The following DAB2IP variants were observed in gnomAD, a reference collection of about 807,000 sequenced individuals.
DAB2IP encodes the protein DAB2 interacting protein.
DAB2IP carries 28 observed loss-of-function variants against 107.2 expected under a neutral mutation model. The observed-to-expected ratio is 0.26, with a 90% CI of 0.19 to 0.36. DAB2IP has a LOEUF of 0.36. DAB2IP is among the 10% of genes least tolerant of loss of function. DAB2IP has a pLI of 1.00. For missense variants in DAB2IP, 1,400 were observed against 1,644.7 expected, an observed-to-expected ratio of 0.85 and a Z score of 2.57; for synonymous variants, 755 against 706.4, an observed-to-expected ratio of 1.07 and a Z score of -1.09.
intron 3 of DAB2IP, among the ~76,000 whole-genome samples, chr9:121,754,068 C>T (rs1833311909): frequency 6.6e-6 from 1 of 152,212 alleles, no homozygotes; most frequent in Non-Finnish European, 1.5e-5. Context: ...GGGACTGCTG[C>T]AAGCACAGGA....
intron 3 of DAB2IP, among the ~76,000 whole-genome samples, chr9:121,740,403 C>G (rs1211308134): frequency 6.6e-6 from 1 of 152,198 alleles, no homozygotes; most frequent in Non-Finnish European, 1.5e-5. Flanking sequence ...TTCCTTACAC[C>G]AGTCTCTCTG....
intron 1 of DAB2IP, among the ~76,000 whole-genome samples, chr9:121,604,752 C>A (rs890826982): frequency 6.6e-6 from 1 of 152,152 alleles, no homozygotes; most frequent in Non-Finnish European, 1.5e-5. Context: ...CGCTGCCTGT[C>A]CCCCGTGATG....
At chr9:121,658,465 G>A (rs746980821) in intron 1 of DAB2IP, among the ~76,000 whole-genome samples, 32 of 152,216 alleles carry the variant, frequency 2.1e-4, no homozygotes, top group Non-Finnish European at 3.8e-4. Flanking sequence ...CCCACGTATC[G>A]CGTGCCCGCT....
intron 1 of DAB2IP, among the ~76,000 whole-genome samples, chr9:121,578,112 G>A (rs1298983515): frequency 6.6e-6 from 1 of 152,078 alleles, no homozygotes; most frequent in Non-Finnish European, 1.5e-5. Context: ...GTTCTGTGGC[G>A]GGTGGGGTAG....
At chr9:121,623,498 C>G (rs1831544154) in intron 1 of DAB2IP, among the ~76,000 whole-genome samples, 1 of 151,964 alleles carries the variant, frequency 6.6e-6, no homozygotes. Context: ...TCCAGAGTAG[C>G]TGGGACTACA....
chr9:121,732,382 G>A (rs951381269), intron 3 of DAB2IP, among the ~76,000 whole-genome samples: 2 of 152,190 alleles, frequency 1.3e-5, no homozygotes, highest in African/African-American at 4.8e-5. Context: ...AAAGGTTCCA[G>A]GATTCTCTGC....
At chr9:121,755,841 C>T (rs1366922728) in intron 3 of DAB2IP, among the ~76,000 whole-genome samples, 1 of 152,178 alleles carries the variant, frequency 6.6e-6, no homozygotes, top group African/African-American at 2.4e-5. Context: ...GCTGCGAGCC[C>T]CTCAAGGTCA....
In DAB2IP at chr9:121,772,887, G is replaced by T. The variant is rs768640914; in HGVS notation, c.2359G>T (p.Ala787Ser). The T allele has an allele frequency of 1.7e-5, 27 of 1,577,860 alleles. No individual in the cohort carries two copies. Among genetic ancestry groups the T allele is most frequent in the Non-Finnish European group, 2.3e-5 (27 of 1,165,672 alleles). Residue 787 changes from alanine to serine, a missense_variant, in exon 12 of 16, where the codon GCC becomes TCC. Ala to Ser is a moderately conservative substitution (Grantham distance 99). Transcript: ENST00000408936. This position sits in a 1 kb window ranked among gnomAD's most constrained non-coding sequence, Gnocchi z 4.7. The stretch of plus-strand genomic sequence containing the variant: ...AGCTCAGCTGGTGGCCGGGTGGCCG[G>T]CCCGGGCAACCCCAGTGAACCTGGC...
At chr9:121,714,892 G>T (rs1589567735) in intron 3 of DAB2IP, among the ~76,000 whole-genome samples, 1 of 152,236 alleles carries the variant, frequency 6.6e-6, no homozygotes, top group South Asian at 2.1e-4. Flanking sequence ...GGGAGAACTC[G>T]TGCAGTCCTG....
At chr9:121,780,479 C>T (rs1010786766) in intron 14 of DAB2IP, among the ~76,000 whole-genome samples, 2 of 152,132 alleles carry the variant, frequency 1.3e-5, no homozygotes, top group Non-Finnish European at 1.5e-5. Context: ...GCCCAGTGTG[C>T]GGTGGCTGCT....
At chr9:121,759,958 A>G in exon 6 of DAB2IP, 1 of 1,614,186 alleles carries the variant, frequency 6.2e-7, no homozygotes, top group Non-Finnish European at 8.5e-7. Context: ...GCCAAGAAGA[A>G]GTACCTGTGC....
At chr9:121,706,838 G>A (rs935118037) in intron 3 of DAB2IP, among the ~76,000 whole-genome samples, 2 of 152,218 alleles carry the variant, frequency 1.3e-5, no homozygotes, top group African/African-American at 4.8e-5. Context: ...GCACGTCCTT[G>A]TGGAAGCCAC....
intron 1 of DAB2IP, among the ~76,000 whole-genome samples, chr9:121,644,184 A>G (rs111888214): frequency 1.4e-5 from 2 of 143,224 alleles, no homozygotes; most frequent in African/African-American, 5.6e-5. Flanking sequence ...AAGAAGAAGA[A>G]GAGGAGGAGG....
chr9:121,733,526 G>A (rs1036231036), intron 3 of DAB2IP, among the ~76,000 whole-genome samples: 45 of 152,174 alleles, frequency 3.0e-4, no homozygotes, highest in African/African-American at 1.0e-3. Context: ...GGGAGAAGAC[G>A]GCCTGCAGTG....
At chr9:121,610,765 C>CAGCG (rs1831065220) in intron 1 of DAB2IP, among the ~76,000 whole-genome samples, 1 of 152,122 alleles carries the variant, frequency 6.6e-6, no homozygotes, top group South Asian at 2.1e-4. Flanking sequence ...AGAGCAGGTA[C>CAGCG]AGCGGTATGC....
chr9:121,581,363 C>T (rs1217108233), intron 1 of DAB2IP, among the ~76,000 whole-genome samples: 1 of 152,218 alleles, frequency 6.6e-6, no homozygotes, highest in African/African-American at 2.4e-5. Flanking sequence ...CCAGTGCATG[C>T]TCAACTTGTG....
rs1834828164 is a variant in DAB2IP, at chr9:121,772,407, T to G, written c.2079-200T>G. On this transcript the variant is annotated intron_variant, in intron 11 of 15. Coordinates refer to ENST00000408936, the Ensembl canonical transcript of DAB2IP. This position sits in a 1 kb window ranked among gnomAD's most constrained non-coding sequence, Gnocchi z 4.7. ...CAGTGCTGGCCCCTAAAGAAGAGGT[T>G]CTGTGCAGGAGCAGCCGCCTCAGCC... Among the ~76,000 whole-genome samples the G allele has an allele frequency of 6.6e-6, 1 of 152,066 alleles. No homozygotes were observed.
At chr9:121,769,923 C>T in intron 10 of DAB2IP, among the ~76,000 whole-genome samples, 1 of 152,234 alleles carries the variant, frequency 6.6e-6, no homozygotes, top group African/African-American at 2.4e-5. Context: ...CATGAGTTTT[C>T]ACACTTTGTT....
intron 3 of DAB2IP, among the ~76,000 whole-genome samples, chr9:121,703,803 A>C (rs539649977): frequency 6.6e-6 from 1 of 152,304 alleles, no homozygotes; most frequent in Non-Finnish European, 1.5e-5. Flanking sequence ...TTTCTCATCC[A>C]CAGTGTGGGA....
Sources: allele counts gnomAD v4.1 joint callset (sites outside exome capture counted in the v4.1 genomes callset), GRCh38; gene constraint gnomAD v4.1.1; non-coding constraint Gnocchi (gnomAD v3.1); transcripts MANE v1.5; gene names NCBI Gene and HGNC (gene_info 2026-07-23, HGNC 2026-07-21).